The following CNTNAP5 variants were observed in gnomAD, a reference collection of about 807,000 sequenced individuals.
CNTNAP5 encodes contactin associated protein family member 5.
In CNTNAP5, 72 loss-of-function variants were observed where a neutral mutation model predicts 150.2. The ratio of observed to expected loss-of-function variants is 0.48; its 90% CI spans 0.40 to 0.58. The LOEUF is 0.58. Ranked by LOEUF, CNTNAP5 falls within the 20% of genes least tolerant of loss-of-function variation. The pLI, the probability that CNTNAP5 is intolerant of heterozygous loss-of-function variation, is 0.00. For synonymous variants in CNTNAP5, 672 were observed against 619.8 expected (o/e 1.08, Z -1.25); for missense variants, 1,636 against 1,626.2 (o/e 1.01, Z -0.10).
chr2:124,818,232 C>T (rs1490508125), intron 19 of CNTNAP5, among the ~76,000 whole-genome samples: 2 of 152,146 alleles, frequency 1.3e-5, no homozygotes, highest in Non-Finnish European at 2.9e-5. Context: ...CCTCAGCTTC[C>T]TCCTCCAAGC....
At chr2:124,084,924 G>GTTTTGTTTTTTTTTTTTTTTTTTT (rs1553435818) in intron 1 of CNTNAP5, among the ~76,000 whole-genome samples, 1 of 89,980 alleles carries the variant, frequency 1.1e-5, no homozygotes, top group Non-Finnish European at 2.0e-5. Context: ...CAAGTTTCCT[G>GTTTTGTTTTTTTTTTTTTTTTTTT]TTTTTTTTTT....
chr2:124,857,940 A>G (rs561418186), intron 19 of CNTNAP5, among the ~76,000 whole-genome samples: 10 of 152,342 alleles, frequency 6.6e-5, no homozygotes, highest in African/African-American at 1.9e-4. Context: ...CTTAATAAAA[A>G]TAAGTACTAT....
Position 124,417,524 on chromosome 2 carries a change from G to A in CNTNAP5, c.463G>A (p.Val155Met), listed in dbSNP as rs1389539692. 6 of 1,613,800 alleles carry A rather than the reference G, an allele frequency of 3.7e-6. No individual in the cohort carries two copies. The East Asian group carries it at 8.9e-5, about 24-fold the overall frequency. Reference sequence around the variant, plus strand: ...AGTGAGAGCCCGATTTGTTCGCTTTGTGCCCCTGGAATGGAATCCCAGTGG... The same window carrying A: ...AGTGAGAGCCCGATTTGTTCGCTTTATGCCCCTGGAATGGAATCCCAGTGG... ...HSVRARFVRF[V>M]PLEWNPSGKI... Residue 155 changes from valine (V) to methionine (M), a missense_variant, in exon 4 of 24, where the codon GTG (valine) becomes ATG (methionine). Transcript: ENST00000682447.
chr2:124,554,607 A>G (rs1296875513), intron 10 of CNTNAP5, among the ~76,000 whole-genome samples: 1 of 151,874 alleles, frequency 6.6e-6, no homozygotes, highest in African/African-American at 2.4e-5. Context: ...TTTTTTGTAG[A>G]GACAGGGTTT....
intron 10 of CNTNAP5, among the ~76,000 whole-genome samples, chr2:124,532,156 G>A (rs1215755375): frequency 2.0e-5 from 3 of 152,184 alleles, no homozygotes; most frequent in African/African-American, 7.2e-5. Flanking sequence ...GGGGAGTAGA[G>A]TATGACTGGG....
chr2:124,394,919 C>G (rs1198867462), intron 3 of CNTNAP5, among the ~76,000 whole-genome samples: 1 of 152,166 alleles, frequency 6.6e-6, no homozygotes, highest in Non-Finnish European at 1.5e-5. Context: ...TAGTGGCAGT[C>G]TTTTACAAAC....
chr2:124,546,017 G>T (rs1050058798), intron 10 of CNTNAP5, among the ~76,000 whole-genome samples: 1 of 152,074 alleles, frequency 6.6e-6, no homozygotes, highest in African/African-American at 2.4e-5. Flanking sequence ...TCCATTAAAA[G>T]CTCTTTTAAT....
At chr2:124,707,174 GAA>G in intron 13 of CNTNAP5, among the ~76,000 whole-genome samples, 1 of 148,716 alleles carries the variant, frequency 6.7e-6, no homozygotes, top group Admixed American at 6.7e-5. Context: ...AGAAGAAGAA[GAA>G]GAAGAAGAAG....
intron 16 of CNTNAP5, among the ~76,000 whole-genome samples, chr2:124,771,721 C>T (rs1198207878): frequency 1.2e-5 from 1 of 84,494 alleles, no homozygotes; most frequent in African/African-American, 4.3e-5. Context: ...ACCTTCATCA[C>T]CACCATCACC....
intron 1 of CNTNAP5, among the ~76,000 whole-genome samples, chr2:124,159,945 G>A (rs1457162057): frequency 6.6e-6 from 1 of 152,172 alleles, no homozygotes; most frequent in Non-Finnish European, 1.5e-5. Context: ...GTCTTCCAAA[G>A]ACTAAGCAAT....
At chr2:124,604,435 A>G (rs2104977612) in intron 11 of CNTNAP5, among the ~76,000 whole-genome samples, 1 of 152,326 alleles carries the variant, frequency 6.6e-6, no homozygotes, top group Non-Finnish European at 1.5e-5. Context: ...TTAAATCTAT[A>G]CATTCATAAT....
At chr2:124,234,085 C>T (rs1206165102) in intron 2 of CNTNAP5, among the ~76,000 whole-genome samples, 1 of 152,086 alleles carries the variant, frequency 6.6e-6, no homozygotes, top group African/African-American at 2.4e-5. Flanking sequence ...TTCCAGTTCT[C>T]CCTTTTCCCT....
intron 13 of CNTNAP5, among the ~76,000 whole-genome samples, chr2:124,693,108 A>G (rs964356355): frequency 3.3e-5 from 5 of 152,092 alleles, no homozygotes; most frequent in African/African-American, 1.2e-4. Context: ...TCAGAGACAC[A>G]CAGATACGGG....
chr2:124,101,439 TGGA>T (rs1332751813), intron 1 of CNTNAP5, among the ~76,000 whole-genome samples: 1 of 152,102 alleles, frequency 6.6e-6, no homozygotes, highest in Non-Finnish European at 1.5e-5. Context: ...TACATTAACC[TGGA>T]GGAACAAAGC....
At chr2:124,669,876 C>T (rs35626704) in intron 13 of CNTNAP5, among the ~76,000 whole-genome samples, 45,722 of 151,938 alleles carry the variant, frequency 0.3, 7,280 homozygotes, top group Non-Finnish European at 0.34. Flanking sequence ...ATTCCCAGGC[C>T]CAAGATGCAT....
intron 1 of CNTNAP5, among the ~76,000 whole-genome samples, chr2:124,152,551 A>G (rs146831951): frequency 2.4e-3 from 363 of 152,244 alleles, no homozygotes; most frequent in African/African-American, 8.2e-3. Flanking sequence ...ATTAAAATTG[A>G]TATATTTTTC....
chr2:124,127,913 G>C lies in CNTNAP5; in HGVS notation c.83-93792G>C, dbSNP rs546415902. 1.1e-3 allele frequency among the ~76,000 whole-genome samples: 160 copies of C among 152,250 alleles called. 2 individuals carry two copies. The highest frequency in any genetic ancestry group is 3.5e-3 in the African/African-American group (147 of 41,528). On this transcript the variant is annotated intron_variant, in intron 1 of 23. Coordinates refer to ENST00000682447, the MANE Select transcript of CNTNAP5 (RefSeq NM_001367498.1). ...ACACCTTATACAAAAATTAATTCAA[G>C]ATGGAGTAAAGACTTAAATGTCAGA...
intron 6 of CNTNAP5, among the ~76,000 whole-genome samples, chr2:124,464,135 G>A (rs910691158): frequency 6.6e-6 from 1 of 152,096 alleles, no homozygotes; most frequent in Non-Finnish European, 1.5e-5. Flanking sequence ...AAATTTAAGG[G>A]CAATTATTGG....
intron 1 of CNTNAP5, among the ~76,000 whole-genome samples, chr2:124,176,360 G>T (rs1685063496): frequency 6.6e-6 from 1 of 152,166 alleles, no homozygotes. Flanking sequence ...GTCAAAGTAG[G>T]AAACTCAGAG....
Sources: gnomAD v4.1 joint callset for allele counts (sites outside exome capture counted in the v4.1 genomes callset) on GRCh38, gnomAD v4.1.1 for gene constraint, MANE v1.5 for transcripts, NCBI Gene and HGNC (gene_info 2026-07-23, HGNC 2026-07-21) for gene names.